ADTRP: variants seen among roughly 807,000 people sequenced by gnomAD.
ADTRP encodes androgen-dependent TFPI-regulating protein.
ADTRP carries 20 observed loss-of-function variants against 27.0 expected under a neutral mutation model. The observed-to-expected ratio is 0.74, with a 90% CI of 0.52 to 1.08. The LOEUF is 1.08. Ranked by LOEUF, ADTRP falls within the 50% of genes least tolerant of loss-of-function variation. The pLI is 0.00. For synonymous variants in ADTRP, 101 were observed against 105.2 expected (o/e 0.96, Z 0.25); for missense variants, 251 against 275.0 (o/e 0.91, Z 0.62).
intron 3 of ADTRP, among the ~76,000 whole-genome samples, chr6:11,757,054 C>G (rs1297799079): frequency 6.6e-6 from 1 of 152,138 alleles, no homozygotes; most frequent in African/African-American, 2.4e-5. Context: ...TTAACAGAAC[C>G]AAAATGGGCA....
intron 3 of ADTRP, among the ~76,000 whole-genome samples, chr6:11,761,235 A>C (rs1401560914): frequency 6.6e-6 from 1 of 152,084 alleles, no homozygotes; most frequent in Non-Finnish European, 1.5e-5. Context: ...TACGCTATTA[A>C]ACCTGCCTTT....
At chr6:11,742,975 A>G (rs1762764218) in intron 3 of ADTRP, among the ~76,000 whole-genome samples, 1 of 152,234 alleles carries the variant, frequency 6.6e-6, no homozygotes, top group African/African-American at 2.4e-5. Context: ...TACTTGGAGA[A>G]ATTAAAAGAG....
At chr6:11,745,731 T>A (rs192284070) in intron 3 of ADTRP, among the ~76,000 whole-genome samples, 174 of 152,380 alleles carry the variant, frequency 1.1e-3, no homozygotes, top group African/African-American at 3.9e-3. Flanking sequence ...TTTAATTCCC[T>A]ATTATTAAAA....
chr6:11,764,619 T>C lies in ADTRP; in HGVS notation c.390+1655A>G, dbSNP rs184638103. 7.9e-5 allele frequency among the ~76,000 whole-genome samples: 12 copies of C among 151,634 alleles called. No homozygotes were observed. The East Asian group carries it at 2.3e-3, about 29-fold the overall frequency. On this transcript the variant is annotated intron_variant, in intron 3 of 5. Coordinates refer to ENST00000414691, the MANE Select transcript of ADTRP (RefSeq NM_032744.4). Reference sequence around the variant, plus strand: ...AAGCGAGGTCCTTTTGATTGCCTGGTGAATTAGGAAACAAAACCAGATCGA... The same window carrying C: ...AAGCGAGGTCCTTTTGATTGCCTGGCGAATTAGGAAACAAAACCAGATCGA...
At chr6:11,763,071 C>G (rs1326931637) in intron 3 of ADTRP, among the ~76,000 whole-genome samples, 1 of 152,192 alleles carries the variant, frequency 6.6e-6, no homozygotes, top group Non-Finnish European at 1.5e-5. Flanking sequence ...TCAGATTGAT[C>G]TACTTTAATT....
At chr6:11,752,723 C>A (rs555706334) in intron 3 of ADTRP, among the ~76,000 whole-genome samples, 2 of 152,218 alleles carry the variant, frequency 1.3e-5, no homozygotes, top group Non-Finnish European at 2.9e-5. Flanking sequence ...CTATTTGAAA[C>A]TACCCACTAG....
chr6:11,772,231 T>C (rs1763808256), intron 1 of ADTRP, among the ~76,000 whole-genome samples: 1 of 152,248 alleles, frequency 6.6e-6, no homozygotes, highest in Non-Finnish European at 1.5e-5. Flanking sequence ...TGCCTTTTCC[T>C]GAAATGCTGC....
At chr6:11,738,727 G>T (rs1762620493) in intron 3 of ADTRP, 2 of 152,192 alleles carry the variant, frequency 1.3e-5, no homozygotes. Flanking sequence ...ACCTCTTTCA[G>T]GAGCCTGCCC....
At chr6:11,758,437 C>CT (rs578227105) in intron 3 of ADTRP, among the ~76,000 whole-genome samples, 6 of 151,858 alleles carry the variant, frequency 4.0e-5, no homozygotes, top group South Asian at 4.2e-4. Flanking sequence ...AAGAAAGTGG[C>CT]TTTTTTTTCA....
At chr6:11,757,981 C>T (rs1008668047) in intron 3 of ADTRP, among the ~76,000 whole-genome samples, 1 of 152,172 alleles carries the variant, frequency 6.6e-6, no homozygotes, top group African/African-American at 2.4e-5. Context: ...CTGAGCCTGC[C>T]TTGGGCTCAG....
chr6:11,742,827 C>T (rs1762758988), intron 3 of ADTRP, among the ~76,000 whole-genome samples: 1 of 152,214 alleles, frequency 6.6e-6, no homozygotes, highest in Admixed American at 6.5e-5. Context: ...AGTACAGGAA[C>T]TCCAGAAGTA....
chr6:11,723,195 A>G (rs1762074108), intron 5 of ADTRP, among the ~76,000 whole-genome samples, 154 bp downstream of exon 5: 3 of 150,496 alleles, frequency 2.0e-5, no homozygotes, highest in Admixed American at 2.0e-4. Context: ...TTGCCTTGGC[A>G]GGACCTCTTG....
chr6:11,740,222 T>C (rs1300414116), intron 3 of ADTRP, among the ~76,000 whole-genome samples: 2 of 152,220 alleles, frequency 1.3e-5, no homozygotes, highest in African/African-American at 4.8e-5. Context: ...ATATTGGCTC[T>C]TCCCAAACTG....
chr6:11,775,725 T>C (rs1018775347), intron 1 of ADTRP, among the ~76,000 whole-genome samples: 1 of 152,210 alleles, frequency 6.6e-6, no homozygotes, highest in Non-Finnish European at 1.5e-5. Flanking sequence ...GTCTCCTGTC[T>C]GTCTCCCCTT....
intron 1 of ADTRP, among the ~76,000 whole-genome samples, chr6:11,777,828 C>A (rs940330688): frequency 5.3e-5 from 8 of 152,196 alleles, no homozygotes; most frequent in African/African-American, 1.9e-4. Flanking sequence ...ATGTGGCACC[C>A]AAGATTTTAG....
chr6:11,761,825 A>G (rs1763397380), intron 3 of ADTRP, among the ~76,000 whole-genome samples: 1 of 152,194 alleles, frequency 6.6e-6, no homozygotes. Context: ...CAGTCTATAG[A>G]TATTTTCAGG....
At chr6:11,748,322 C>G (rs147511450) in intron 3 of ADTRP, among the ~76,000 whole-genome samples, 106 of 152,342 alleles carry the variant, frequency 7.0e-4, no homozygotes, top group African/African-American at 2.2e-3. Context: ...CCCTCTGCCT[C>G]TAATGCTTCT....
chr6:11,716,559 T>C (rs977941011), intron 5 of ADTRP, among the ~76,000 whole-genome samples: 3 of 152,178 alleles, frequency 2.0e-5, no homozygotes, highest in East Asian at 1.9e-4. Flanking sequence ...TAGGGACTCA[T>C]GTGGCGTGAA....
intron 1 of ADTRP, among the ~76,000 whole-genome samples, chr6:11,773,487 G>A (rs1268545426): frequency 6.6e-6 from 1 of 152,232 alleles, no homozygotes; most frequent in African/African-American, 2.4e-5. Flanking sequence ...GTTCAGAGCT[G>A]TCCGGGAGTG....
Sources: gnomAD v4.1 joint callset for allele counts (sites outside exome capture counted in the v4.1 genomes callset) on GRCh38, gnomAD v4.1.1 for gene constraint, MANE v1.5 for transcripts, NCBI Gene and HGNC (gene_info 2026-07-23, HGNC 2026-07-21) for gene names.